ADCY9: variants seen among roughly 807,000 people sequenced by gnomAD.
ADCY9 encodes the protein adenylate cyclase 9.
In ADCY9, 50 loss-of-function variants were observed where a neutral mutation model predicts 101.5. The ratio of observed to expected loss-of-function variants is 0.49; its 90% CI spans 0.39 to 0.62. ADCY9 has a LOEUF of 0.62. ADCY9 is among the 20% of genes least tolerant of loss of function. ADCY9 has a pLI of 0.00. For synonymous variants in ADCY9, 905 were observed against 769.3 expected (o/e 1.18, Z -2.92); for missense variants, 1,662 against 1,800.4 (o/e 0.92, Z 1.39).
At chr16:4,028,126 T>C (rs2056530421) in intron 2 of ADCY9, among the ~76,000 whole-genome samples, 1 of 152,174 alleles carries the variant, frequency 6.6e-6, no homozygotes, top group African/African-American at 2.4e-5. Context: ...ATCCTGATTG[T>C]ACTGGTGGCT....
At chr16:4,010,037 A>AT (rs1275399525) in intron 2 of ADCY9, among the ~76,000 whole-genome samples, 2 of 152,202 alleles carry the variant, frequency 1.3e-5, no homozygotes, top group South Asian at 2.1e-4. Flanking sequence ...GAGGAGGGAC[A>AT]TTTTTTTGAT....
At chr16:4,010,649 T>C (rs1488936446) in intron 2 of ADCY9, among the ~76,000 whole-genome samples, 1 of 152,196 alleles carries the variant, frequency 6.6e-6, no homozygotes, top group Non-Finnish European at 1.5e-5. Context: ...CAAGCAGGTA[T>C]GACTATGGTC....
At chr16:4,052,277 G>A (rs539990640) in intron 2 of ADCY9, among the ~76,000 whole-genome samples, 2 of 152,336 alleles carry the variant, frequency 1.3e-5, no homozygotes, top group South Asian at 4.1e-4. Flanking sequence ...GGCGCCTGTG[G>A]TCCTGGGCGG....
intron 2 of ADCY9, among the ~76,000 whole-genome samples, chr16:4,103,960 G>A (rs1295348138): frequency 6.6e-6 from 1 of 152,192 alleles, no homozygotes; most frequent in Non-Finnish European, 1.5e-5. Flanking sequence ...CGCCTACGAC[G>A]ACGCTGCTGC....
chr16:4,090,281 T>C (rs2056965203), intron 2 of ADCY9, among the ~76,000 whole-genome samples: 1 of 152,138 alleles, frequency 6.6e-6, no homozygotes, highest in Non-Finnish European at 1.5e-5. Flanking sequence ...CCCCTTCCTT[T>C]GCCTTTAAGG....
chr16:3,986,734 A>G (rs1391283852), intron 6 of ADCY9, among the ~76,000 whole-genome samples: 4 of 152,158 alleles, frequency 2.6e-5, no homozygotes, highest in African/African-American at 9.7e-5. Context: ...CTGGGATTAC[A>G]GGCATGAGCC....
chr16:4,074,349 T>C (rs1312525591), intron 2 of ADCY9, among the ~76,000 whole-genome samples: 2 of 151,126 alleles, frequency 1.3e-5, no homozygotes, highest in East Asian at 3.9e-4. Flanking sequence ...TTAAAATAAG[T>C]GAGAAAAAAT....
At chr16:4,093,195 C>CT (rs1290163629) in intron 2 of ADCY9, among the ~76,000 whole-genome samples, 3 of 152,140 alleles carry the variant, frequency 2.0e-5, no homozygotes, top group Non-Finnish European at 4.4e-5. Context: ...AGAGAAAATC[C>CT]TCTGCTCTTC....
chr16:3,987,905 A>G (rs74003490), intron 6 of ADCY9, among the ~76,000 whole-genome samples: 3,654 of 152,268 alleles, frequency 0.024, 155 homozygotes, highest in African/African-American at 0.084. Context: ...CAGGATTCAA[A>G]CCAGGCTCTA....
intron 2 of ADCY9, among the ~76,000 whole-genome samples, chr16:4,078,562 G>GAAAAAAAAAA (rs796262600): frequency 1.5e-5 from 1 of 65,772 alleles, no homozygotes; most frequent in South Asian, 5.8e-4. Flanking sequence ...CTCAAAAAAA[G>GAAAAAAAAAA]AAAAAAAAAA....
intron 2 of ADCY9, among the ~76,000 whole-genome samples, chr16:4,045,420 C>A (rs748388378): frequency 6.6e-6 from 1 of 151,668 alleles, no homozygotes; most frequent in African/African-American, 2.4e-5. Context: ...CATGGTGAAA[C>A]CCTGTCTCTA....
intron 2 of ADCY9, among the ~76,000 whole-genome samples, chr16:4,097,487 T>TATATATGTATACACACAC (rs76750792): frequency 1.4e-5 from 1 of 72,508 alleles, no homozygotes; most frequent in Non-Finnish European, 2.7e-5. Flanking sequence ...TATATATATA[T>TATATATGTATACACACAC]ACACACACAC....
chr16:4,113,628 C>T (rs1198334811), intron 2 of ADCY9, 122 bp downstream of exon 2: 1 of 1,298,364 alleles, frequency 7.7e-7, no homozygotes, highest in African/African-American at 1.5e-5. Context: ...GAGATCCCCC[C>T]ATGGTAAGGC....
chr16:4,102,791 G>A lies in ADCY9; in HGVS notation c.1693+10959C>T, dbSNP rs989122844. Among the ~76,000 whole-genome samples, 5 of 151,294 alleles carry A rather than the reference G, an allele frequency of 3.3e-5. 1 individual carries two copies. In the South Asian group the frequency reaches 6.3e-4, roughly 19 times the overall value. On this transcript the variant is annotated intron_variant, in intron 2 of 10. Transcript: ENST00000294016. ...GGCTGGAATGCAGTGGTGCCATCTC[G>A]GCTCACTGCAGCCTCCGCCTCCCAG...
chr16:3,988,649 TG>T (rs1271975523), intron 6 of ADCY9, among the ~76,000 whole-genome samples: 2 of 23,234 alleles, frequency 8.6e-5, no homozygotes, highest in Non-Finnish European at 1.6e-4. Flanking sequence ...CCAAGGCAGG[TG>T]GGGGGGTTTC....
At chr16:4,104,925 C>T (rs537537727) in intron 2 of ADCY9, among the ~76,000 whole-genome samples, 2 of 150,970 alleles carry the variant, frequency 1.3e-5, no homozygotes, top group South Asian at 2.1e-4. Flanking sequence ...AAAAATTAGC[C>T]GGGTGTGGTG....
intron 2 of ADCY9, among the ~76,000 whole-genome samples, chr16:4,098,670 C>T (rs554414538): frequency 6.6e-6 from 1 of 152,126 alleles, no homozygotes; most frequent in Non-Finnish European, 1.5e-5. Context: ...AAGATACATT[C>T]CAGTGGCGTG....
intron 2 of ADCY9, among the ~76,000 whole-genome samples, chr16:4,040,888 C>T (rs1010481415): frequency 6.6e-6 from 1 of 152,054 alleles, no homozygotes; most frequent in Non-Finnish European, 1.5e-5. Context: ...ATTTCCATTA[C>T]CTCATTTGAT....
At chr16:4,003,510 G>A (rs1199230650) in intron 3 of ADCY9, among the ~76,000 whole-genome samples, 1 of 149,608 alleles carries the variant, frequency 6.7e-6, no homozygotes, top group Non-Finnish European at 1.5e-5. Flanking sequence ...CCACCGCACT[G>A]AAGAGGAAAA....
Sources: gnomAD v4.1 joint callset for allele counts (sites outside exome capture counted in the v4.1 genomes callset) on GRCh38, gnomAD v4.1.1 for gene constraint, MANE v1.5 for transcripts, NCBI Gene and HGNC (gene_info 2026-07-23, HGNC 2026-07-21) for gene names.